FHIT: variants seen among roughly 807,000 people sequenced by gnomAD.
FHIT encodes fragile histidine triad diadenosine triphosphatase, also known as bis(5'-adenosyl)-triphosphatase.
In FHIT, 19 loss-of-function variants were observed where a neutral mutation model predicts 17.9. That is an observed-to-expected ratio of 1.06 (90% confidence interval 0.74 to 1.56). The LOEUF is 1.56. Among genes scored for constraint, FHIT ranks in the 40% most tolerant of loss-of-function variants. The probability of loss-of-function intolerance (pLI) is 0.00; values close to 1 mark genes in which losing one functional copy is unlikely to be tolerated. For missense variants in FHIT, 248 were observed against 189.2 expected (o/e 1.31, Z -1.82); for synonymous variants, 81 against 69.7 (o/e 1.16, Z -0.81).
chr3:60,966,392 G>A (rs1214949108), intron 3 of FHIT, among the ~76,000 whole-genome samples: 2 of 152,210 alleles, frequency 1.3e-5, no homozygotes, highest in Non-Finnish European at 2.9e-5. Context: ...CTTCCCAGGT[G>A]AGGCGATGTC....
chr3:60,281,836 A>G (rs1321134171), intron 5 of FHIT, among the ~76,000 whole-genome samples: 2 of 152,194 alleles, frequency 1.3e-5, no homozygotes, highest in African/African-American at 4.8e-5. Flanking sequence ...GAATTGTATT[A>G]AAATTTAAAA....
intron 5 of FHIT, among the ~76,000 whole-genome samples, chr3:60,471,078 C>CTAGT: frequency 6.6e-6 from 1 of 152,314 alleles, no homozygotes; most frequent in South Asian, 2.1e-4. Context: ...TATGGCTGAA[C>CTAGT]TAGTATCCAA....
chr3:59,898,326 C>T (rs1704165523), intron 8 of FHIT, among the ~76,000 whole-genome samples: 1 of 152,142 alleles, frequency 6.6e-6, no homozygotes, highest in South Asian at 2.1e-4. Flanking sequence ...CAAAAAAAAT[C>T]TGACAACTGA....
intron 5 of FHIT, among the ~76,000 whole-genome samples, chr3:60,015,313 C>T (rs550771129): frequency 3.0e-4 from 45 of 152,192 alleles, no homozygotes; most frequent in African/African-American, 1.1e-3. Context: ...AAAGAAGAAA[C>T]TGATTAATTT....
intron 2 of FHIT, among the ~76,000 whole-genome samples, chr3:61,109,744 C>T (rs1251761112): frequency 6.6e-6 from 1 of 152,192 alleles, no homozygotes; most frequent in African/African-American, 2.4e-5. Flanking sequence ...GAACCACCTC[C>T]ATTAGTGTAC....
intron 5 of FHIT, among the ~76,000 whole-genome samples, chr3:60,204,075 A>G (rs1703043433): frequency 2.6e-5 from 4 of 152,190 alleles, no homozygotes; most frequent in Admixed American, 2.6e-4. Flanking sequence ...AAAATAAAAG[A>G]GTATAATTGG....
intron 5 of FHIT, among the ~76,000 whole-genome samples, chr3:60,318,390 A>T (rs992330375): frequency 1.3e-4 from 20 of 152,240 alleles, no homozygotes; most frequent in African/African-American, 4.6e-4. Flanking sequence ...AAATGAAATG[A>T]CAGCAAAAGT....
intron 1 of FHIT, among the ~76,000 whole-genome samples, chr3:61,225,644 T>A (rs139502022): frequency 3.3e-4 from 50 of 152,368 alleles, no homozygotes; most frequent in Non-Finnish European, 6.3e-4. Context: ...GGAGGGTTAT[T>A]GTTGATTCCT....
At chr3:60,250,168 A>G (rs1007601709) in intron 5 of FHIT, among the ~76,000 whole-genome samples, 4 of 152,134 alleles carry the variant, frequency 2.6e-5, no homozygotes, top group African/African-American at 9.7e-5. Flanking sequence ...AGAGGAAGAG[A>G]GGCCATACAT....
At chr3:60,322,977 C>T (rs886625308) in intron 5 of FHIT, among the ~76,000 whole-genome samples, 1 of 152,068 alleles carries the variant, frequency 6.6e-6, no homozygotes, top group African/African-American at 2.4e-5. Context: ...AGAAGACTGG[C>T]AACAAAGACA....
At chr3:60,299,197 A>G (rs1195151045) in intron 5 of FHIT, among the ~76,000 whole-genome samples, 1 of 152,050 alleles carries the variant, frequency 6.6e-6, no homozygotes, top group Non-Finnish European at 1.5e-5. Flanking sequence ...TTTGAACCTC[A>G]TTATTTACGG....
At chr3:60,102,795 A>G (rs747199341) in intron 5 of FHIT, among the ~76,000 whole-genome samples, 7 of 152,158 alleles carry the variant, frequency 4.6e-5, no homozygotes, top group Admixed American at 3.3e-4. Context: ...ACATAAAGAG[A>G]ATGTGCAGGA....
intron 4 of FHIT, among the ~76,000 whole-genome samples, chr3:60,674,809 G>GGCCT (rs1553694848): frequency 6.6e-6 from 1 of 152,122 alleles, no homozygotes; most frequent in Non-Finnish European, 1.5e-5. Context: ...CTCTCTGCTA[G>GGCCT]GCCTCATGGT....
intron 3 of FHIT, among the ~76,000 whole-genome samples, chr3:60,970,697 G>C (rs1159178068): frequency 5.3e-5 from 8 of 151,974 alleles, no homozygotes; most frequent in African/African-American, 2.4e-5. Flanking sequence ...TATCCTGTCT[G>C]GATAAGGATT....
intron 8 of FHIT, among the ~76,000 whole-genome samples, chr3:59,824,556 T>C (rs1038747358): frequency 6.6e-6 from 1 of 152,256 alleles, no homozygotes; most frequent in African/African-American, 2.4e-5. Flanking sequence ...TACAGCCATG[T>C]AGCAAAACTT....
chr3:60,571,538 C>T (rs969726980), intron 4 of FHIT, among the ~76,000 whole-genome samples: 3 of 151,898 alleles, frequency 2.0e-5, no homozygotes, highest in East Asian at 1.9e-4. Context: ...TTTGCATACG[C>T]TCTGGGAGCA....
At chr3:60,581,049 A>T (rs1393525623) in intron 4 of FHIT, among the ~76,000 whole-genome samples, 1 of 152,060 alleles carries the variant, frequency 6.6e-6, no homozygotes, top group African/African-American at 2.4e-5. Context: ...GCGGAGTTAG[A>T]GAGTACACAA....
intron 4 of FHIT, among the ~76,000 whole-genome samples, chr3:60,631,882 G>T (rs975717422): frequency 6.6e-6 from 1 of 152,042 alleles, no homozygotes; most frequent in Admixed American, 6.5e-5. Context: ...CTTCTGAGAT[G>T]AAACATGAAA....
At chr3:60,655,475 T>C (rs921975407) in intron 4 of FHIT, among the ~76,000 whole-genome samples, 1 of 152,158 alleles carries the variant, frequency 6.6e-6, no homozygotes, top group Non-Finnish European at 1.5e-5. Flanking sequence ...ACTGGATTTA[T>C]TTATAACGAG....
Sources: gnomAD v4.1 joint callset for allele counts (sites outside exome capture counted in the v4.1 genomes callset) on GRCh38, gnomAD v4.1.1 for gene constraint, MANE v1.5 for transcripts, NCBI Gene and HGNC (gene_info 2026-07-23, HGNC 2026-07-21) for gene names.